The following PTPN9 variants were observed in gnomAD, a reference collection of about 807,000 sequenced individuals.
PTPN9 encodes the protein tyrosine-protein phosphatase non-receptor type 9.
In PTPN9, 26 loss-of-function variants were observed where a neutral mutation model predicts 69.8. That is an observed-to-expected ratio of 0.37 (90% CI 0.27 to 0.52). The LOEUF (loss-of-function observed/expected upper bound fraction) is 0.52. Among genes scored for constraint, PTPN9 ranks in the 20% least tolerant of loss-of-function variants. PTPN9 has a pLI of 0.91. For synonymous variants in PTPN9, 274 were observed against 272.5 expected, an observed-to-expected ratio of 1.01 and a Z score of -0.05; for missense variants, 549 against 740.3, an observed-to-expected ratio of 0.74 and a Z score of 3.00.
At chr15:75,488,068 G>A (rs1349955196) in intron 8 of PTPN9, among the ~76,000 whole-genome samples, 1 of 151,036 alleles carries the variant, frequency 6.6e-6, no homozygotes, top group Non-Finnish European at 1.5e-5. Flanking sequence ...ATCACCCCAG[G>A]TCAGGAGTTC....
Position 75,466,298 on chromosome 15 carries a change from A to C in PTPN9, c.*2471T>G, listed in dbSNP as rs2074536251. 6.6e-6 allele frequency: 1 copy of C among 152,210 alleles called. No homozygotes were observed. The highest frequency in any genetic ancestry group is 2.4e-5 in the African/African-American group (1 of 41,444). The allele number at this position is 152,210 out of a possible 1,614,324, so 9.4% of individuals were successfully genotyped here. On this transcript the variant is annotated 3_prime_UTR_variant, in exon 13 of 13. Coordinates refer to ENST00000618819, the MANE Select transcript of PTPN9 (RefSeq NM_002833.4). ...AGCATCCAGTAAATTGGCTGCTATGACTATTATTAAGAACACCCCAATATT... is the reference window on the plus strand; with the variant it reads ...AGCATCCAGTAAATTGGCTGCTATGCCTATTATTAAGAACACCCCAATATT...
intron 1 of PTPN9, among the ~76,000 whole-genome samples, chr15:75,540,391 A>G (rs1267650338): frequency 6.6e-6 from 1 of 152,066 alleles, no homozygotes; most frequent in Non-Finnish European, 1.5e-5. Context: ...TGTCTCTACT[A>G]AAAATACAAA....
intron 1 of PTPN9, among the ~76,000 whole-genome samples, chr15:75,561,925 C>G (rs2075105587): frequency 1.3e-5 from 2 of 152,110 alleles, no homozygotes; most frequent in African/African-American, 4.8e-5. Context: ...TCAGGCTGGT[C>G]TCGAACTCCC....
At chr15:75,542,400 C>CCATG (rs1226666279) in intron 1 of PTPN9, among the ~76,000 whole-genome samples, 1 of 152,130 alleles carries the variant, frequency 6.6e-6, no homozygotes, top group Non-Finnish European at 1.5e-5. Flanking sequence ...GGTTCTGAAA[C>CCATG]CATGGGACTC....
At chr15:75,547,167 CA>C (rs2075036679) in intron 1 of PTPN9, among the ~76,000 whole-genome samples, 1 of 151,618 alleles carries the variant, frequency 6.6e-6, no homozygotes, top group Non-Finnish European at 1.5e-5. Flanking sequence ...TGGTGGTGTG[CA>C]CCTGTAGTCC....
Position 75,480,631 on chromosome 15 carries a change from C to T in PTPN9, c.1063-717G>A, listed in dbSNP as rs936280168. 1.8e-5 allele frequency: 21 copies of T among 1,187,710 alleles called. No individual in the cohort carries two copies. The East Asian group carries it at 5.5e-4, about 31-fold the overall frequency. 73.6% of individuals were successfully genotyped at this position (1,187,710 alleles called of 1,614,324 possible). ...CAGTGCGGAGCCGGGACAGTCGCGG[C>T]GCTGACGCCCGCGGGCCCCAGCTGC... On this transcript the variant is annotated intron_variant, in intron 8 of 12. Coordinates refer to ENST00000618819, the MANE Select transcript of PTPN9 (RefSeq NM_002833.4).
rs1192419976 is a variant in PTPN9 at position 75,474,518 on chromosome 15, C to CA, written c.1130-752dup. Among the ~76,000 whole-genome samples the CA allele has an allele frequency of 7.0e-3, 945 of 134,246 alleles. 4 individuals carry two copies. The highest frequency in any genetic ancestry group is 0.013 in the South Asian group (53 of 4,230). 88.1% of individuals were successfully genotyped at this position (134,246 alleles called of 152,430 possible). A position where few individuals can be genotyped will look rare whatever the true frequency, so the allele number is the denominator to read the frequency against. On this transcript the variant is annotated intron_variant, in intron 9 of 12. Transcript: ENST00000618819. ...TGGGCAACAGAACGAGACTCTGTCT[C>CA]AAAAAAAAAAAAAATTAGCTTTATC...
rs558878153 is a variant in PTPN9 at position 75,516,464 on chromosome 15, C to T, written c.528+795G>A. ...GACTACAGGCGCCTGCCACCAGGCC[C>T]GGCTAATTTTTTTTTTTTTTTGTAT... On this transcript the variant is annotated intron_variant, in intron 5 of 12. Coordinates refer to ENST00000618819, the MANE Select transcript of PTPN9 (RefSeq NM_002833.4). 1.9e-3 allele frequency among the ~76,000 whole-genome samples: 287 copies of T among 150,620 alleles called. 2 individuals are homozygous for T. The highest frequency in any genetic ancestry group is 3.3e-3 in the Non-Finnish European group (226 of 67,746).
chr15:75,490,444 C>T, intron 7 of PTPN9, 143 bp from the exon 8 acceptor site: 1 of 630,954 alleles, frequency 1.6e-6, no homozygotes, highest in Non-Finnish European at 2.8e-6. Context: ...CCATACAGTT[C>T]CATATCATTT....
chr15:75,508,660 T>C (rs1425219328), intron 6 of PTPN9, among the ~76,000 whole-genome samples: 4 of 152,220 alleles, frequency 2.6e-5, no homozygotes, highest in African/African-American at 9.6e-5. Context: ...TACTATCTTA[T>C]GCAAGGTGCT....
chr15:75,473,253 T>TA (rs2074578233), intron 10 of PTPN9, among the ~76,000 whole-genome samples: 2 of 152,024 alleles, frequency 1.3e-5, no homozygotes, highest in South Asian at 4.2e-4. Flanking sequence ...ATCCTCAATT[T>TA]TTTTTTTTTT....
At chr15:75,503,204 C>T (rs1211727946) in intron 7 of PTPN9, among the ~76,000 whole-genome samples, 3 of 150,794 alleles carry the variant, frequency 2.0e-5, no homozygotes, top group East Asian at 2.0e-4. Flanking sequence ...CGCCTCTTCC[C>T]GGCAGCCATC....
At position 75,481,815 on chromosome 15, in the gene PTPN9, C is replaced by T. The variant is rs1180086560; in HGVS notation, c.1063-1901G>A. Among the ~76,000 whole-genome samples, 17 of 130,750 alleles carry T rather than the reference C, an allele frequency of 1.3e-4. No homozygotes were observed. The East Asian group carries it at 2.1e-3, about 16-fold the overall frequency. 85.8% of individuals were successfully genotyped at this position (130,750 alleles called of 152,430 possible). A position where few individuals can be genotyped will look rare whatever the true frequency, so the allele number is the denominator to read the frequency against. On this transcript the variant is annotated intron_variant, in intron 8 of 12. Coordinates refer to ENST00000618819, the MANE Select transcript of PTPN9 (RefSeq NM_002833.4). The stretch of plus-strand genomic sequence containing the variant: ...AGCCCCTCTGCCCGGCCAGCCGCCC[C>T]GTCCGGGAGGGAGGTGGGGGGGGGT...
In PTPN9 at chr15:75,466,542, T is replaced by G. The variant is rs2074537204; in HGVS notation, c.*2227A>C. 1 of 152,156 alleles carries G rather than the reference T, an allele frequency of 6.6e-6. No homozygotes were observed. The highest frequency in any genetic ancestry group is 1.5e-5 in the Non-Finnish European group (1 of 68,024). The allele number at this position is 152,156 out of a possible 1,614,324, so 9.4% of individuals were successfully genotyped here. A position where few individuals can be genotyped will look rare whatever the true frequency, so the allele number is the denominator to read the frequency against. Reference sequence around the variant, plus strand: ...ACGCTGCAGACATGAGGACCCTACATCAGGAGGTCCTAGCTAGGACAGTCA... The same window carrying G: ...ACGCTGCAGACATGAGGACCCTACAGCAGGAGGTCCTAGCTAGGACAGTCA... On this transcript the variant is annotated 3_prime_UTR_variant, in exon 13 of 13. Transcript: ENST00000618819.
At chr15:75,539,645 A>G (rs997850706) in intron 1 of PTPN9, among the ~76,000 whole-genome samples, 1 of 151,378 alleles carries the variant, frequency 6.6e-6, no homozygotes, top group Admixed American at 6.6e-5. Flanking sequence ...GAAGGTAGAA[A>G]TGTTCACCCA....
chr15:75,467,252 G>A lies in PTPN9; in HGVS notation c.*1517C>T, dbSNP rs952376459. 1 of 152,608 alleles carries A rather than the reference G, an allele frequency of 6.6e-6. No homozygotes were observed. The highest frequency in any genetic ancestry group is 1.5e-5 in the Non-Finnish European group (1 of 68,030). 9.5% of individuals were successfully genotyped at this position (152,608 alleles called of 1,614,324 possible). A position where few individuals can be genotyped will look rare whatever the true frequency, so the allele number is the denominator to read the frequency against. On this transcript the variant is annotated 3_prime_UTR_variant, in exon 13 of 13. Transcript: ENST00000618819. ...ATATTAAATACAAAATGAAATGATT[G>A]TAAAAAATAATAATATACACATTCA...
At chr15:75,549,199 A>G (rs955422370) in intron 1 of PTPN9, among the ~76,000 whole-genome samples, 2 of 152,138 alleles carry the variant, frequency 1.3e-5, no homozygotes, top group African/African-American at 4.8e-5. Context: ...AAATTATTCC[A>G]ATTTCATTTT....
At chr15:75,495,570 A>G (rs900211528) in intron 7 of PTPN9, among the ~76,000 whole-genome samples, 1 of 152,076 alleles carries the variant, frequency 6.6e-6, no homozygotes. Flanking sequence ...AAAAAACATT[A>G]GCTGGGCAAG....
rs1305915905 is a variant in PTPN9 at position 75,464,293 on chromosome 15, GAA to G, written c.*4474_*4475del. The G allele has an allele frequency of 2.9e-5, 4 of 137,834 alleles. No individual in the cohort carries two copies. The highest frequency in any genetic ancestry group is 3.2e-5 in the Non-Finnish European group (2 of 63,196). The allele number at this position is 137,834 out of a possible 1,614,324, so 8.5% of individuals were successfully genotyped here. On this transcript the variant is annotated 3_prime_UTR_variant, in exon 13 of 13. Coordinates refer to ENST00000618819, the MANE Select transcript of PTPN9 (RefSeq NM_002833.4). ...GATCCTGTCTCTAGAGAGAGAGAGA[GAA>G]AAAAAAAAAAAGCTGGGTTCCTGCT...
Sources: gnomAD v4.1 joint callset for allele counts (sites outside exome capture counted in the v4.1 genomes callset) on GRCh38, gnomAD v4.1.1 for gene constraint, MANE v1.5 for transcripts, NCBI Gene and HGNC (gene_info 2026-07-23, HGNC 2026-07-21) for gene names.